Variants in MEIKIN observed in about 807,000 individuals in gnomAD.
The protein encoded by MEIKIN is meiotic kinetochore factor, also known as meiosis-specific kinetochore protein.
intron 10 of MEIKIN, among the ~76,000 whole-genome samples, chr5:131,854,158 T>A (rs1249490229): frequency 6.6e-6 from 1 of 152,148 alleles, no homozygotes; most frequent in Non-Finnish European, 1.5e-5. Flanking sequence ...TATCAATTCA[T>A]CCTTAAAAAT....
In MEIKIN at chr5:131,878,988, G is replaced by GT. The variant is rs1194023774; in HGVS notation, c.763dup (p.Thr255AsnfsTer13). On this transcript the variant is annotated frameshift_variant, in exon 9 of 13. Transcript: ENST00000442687. LOFTEE classifies it high-confidence loss of function. ...TGCTTCAATACTTGCTTTTTTCTTT[G>GT]TTTTTTCAGGGGTTGAAGGGCAAGT... The GT allele has an allele frequency of 1.0e-5, 4 of 396,768 alleles. No homozygotes were observed. The highest frequency in any genetic ancestry group is 3.6e-5 in the East Asian group (1 of 27,920). The allele number at this position is 396,768 out of a possible 1,614,324, so 24.6% of individuals were successfully genotyped here.
chr5:131,834,582 T>C (rs1003249138), intron 11 of MEIKIN, among the ~76,000 whole-genome samples: 1 of 152,236 alleles, frequency 6.6e-6, no homozygotes, highest in East Asian at 1.9e-4. Context: ...CATACAGTAT[T>C]TGTCATTGTA....
intron 12 of MEIKIN, among the ~76,000 whole-genome samples, chr5:131,816,485 A>G (rs1217162516): frequency 1.3e-5 from 2 of 152,234 alleles, no homozygotes; most frequent in African/African-American, 4.8e-5. Flanking sequence ...AGACTGCATC[A>G]TTGGCTCCTG....
At chr5:131,871,277 T>A (rs1750491111) in intron 9 of MEIKIN, among the ~76,000 whole-genome samples, 1 of 152,194 alleles carries the variant, frequency 6.6e-6, no homozygotes, top group Admixed American at 6.5e-5. Flanking sequence ...AGACGGCACC[T>A]GGAAAATTGG....
At chr5:131,883,320 A>G (rs991773645) in intron 8 of MEIKIN, among the ~76,000 whole-genome samples, 5 of 152,212 alleles carry the variant, frequency 3.3e-5, no homozygotes, top group African/African-American at 1.2e-4. Flanking sequence ...ACACCTATAT[A>G]TATCAGGCAG....
At chr5:131,857,563 G>A (rs897829851) in intron 9 of MEIKIN, among the ~76,000 whole-genome samples, 4 of 152,136 alleles carry the variant, frequency 2.6e-5, no homozygotes, top group African/African-American at 4.8e-5. Context: ...GCACAGCCTC[G>A]CATGCCTAAC....
chr5:131,905,033 T>C (rs1751220774), intron 8 of MEIKIN, among the ~76,000 whole-genome samples: 1 of 152,026 alleles, frequency 6.6e-6, no homozygotes, highest in East Asian at 1.9e-4. Flanking sequence ...ATACCTAATG[T>C]AGGTGAAGGG....
intron 8 of MEIKIN, among the ~76,000 whole-genome samples, chr5:131,893,419 C>T (rs551137573): frequency 3.3e-5 from 5 of 152,346 alleles, no homozygotes; most frequent in South Asian, 4.1e-4. Context: ...CCTGGTGTGC[C>T]ATTTGTGAAG....
At chr5:131,876,791 A>G (rs1172344520) in intron 9 of MEIKIN, among the ~76,000 whole-genome samples, 2 of 151,972 alleles carry the variant, frequency 1.3e-5, no homozygotes, top group Non-Finnish European at 2.9e-5. Flanking sequence ...TGTGGCGCAT[A>G]TATACCATGG....
intron 5 of MEIKIN, among the ~76,000 whole-genome samples, chr5:131,930,890 T>C (rs546182258): frequency 6.6e-6 from 1 of 152,354 alleles, no homozygotes; most frequent in South Asian, 2.1e-4. Flanking sequence ...TCATGTATTG[T>C]TCTCAACTTG....
At chr5:131,863,691 T>A (rs1341352559) in intron 9 of MEIKIN, among the ~76,000 whole-genome samples, 2 of 151,890 alleles carry the variant, frequency 1.3e-5, no homozygotes, top group African/African-American at 4.8e-5. Flanking sequence ...TTTGGCTCTG[T>A]GTCCCCACCC....
rs1751948316 is a variant in MEIKIN, at chr5:131,945,438, G to A, written c.68C>T (p.Pro23Leu). ...EGQRLNLTPT[P>L]DLGSPAKAEA... Reference sequence around the variant, plus strand: ...GGCCTTCGCTGGAGAGCCTAGGTCTGGCGTCGGGGTGAGATTGAGCCTCTG... The same window carrying A: ...GGCCTTCGCTGGAGAGCCTAGGTCTAGCGTCGGGGTGAGATTGAGCCTCTG... The change falls in exon 1 of 13, where the codon CCA becomes CTA. Residue 23 changes from proline (P) to leucine (L), a missense_variant. Transcript: ENST00000442687. 1 of 399,374 alleles carries A rather than the reference G, an allele frequency of 2.5e-6. No individual in the cohort carries two copies. Among genetic ancestry groups the A allele is most frequent in the South Asian group, 1.3e-4 (1 of 7,864 alleles). The allele number at this position is 399,374 out of a possible 1,614,324, so 24.7% of individuals were successfully genotyped here. A position where few individuals can be genotyped will look rare whatever the true frequency, so the allele number is the denominator to read the frequency against.
At chr5:131,820,352 G>C (rs1749474166) in intron 11 of MEIKIN, among the ~76,000 whole-genome samples, 1 of 152,154 alleles carries the variant, frequency 6.6e-6, no homozygotes, top group Admixed American at 6.5e-5. Context: ...CTCCCAAAGT[G>C]CTGGGATTAC....
intron 5 of MEIKIN, among the ~76,000 whole-genome samples, chr5:131,924,212 T>G (rs530418192): frequency 8.5e-5 from 13 of 152,316 alleles, no homozygotes; most frequent in Non-Finnish European, 1.9e-4. Context: ...CACATTTTCT[T>G]TATCCATTCA....
chr5:131,889,581 A>G (rs1048557189), intron 8 of MEIKIN, among the ~76,000 whole-genome samples: 1 of 152,196 alleles, frequency 6.6e-6, no homozygotes, highest in Admixed American at 6.5e-5. Context: ...GACTTTGCTG[A>G]AGTTGCCTAT....
chr5:131,838,392 C>A (rs1749848372), intron 11 of MEIKIN, among the ~76,000 whole-genome samples: 1 of 152,036 alleles, frequency 6.6e-6, no homozygotes, highest in African/African-American at 2.4e-5. Context: ...GGGAGTCCCT[C>A]ATTTTCAATT....
chr5:131,920,889 T>G (rs1046557374), intron 6 of MEIKIN, among the ~76,000 whole-genome samples: 1 of 151,886 alleles, frequency 6.6e-6, no homozygotes, highest in Non-Finnish European at 1.5e-5. Context: ...TTTGTAGAGA[T>G]AGAGGTCTCA....
At chr5:131,829,575 G>T (rs1749678590) in intron 11 of MEIKIN, among the ~76,000 whole-genome samples, 1 of 152,120 alleles carries the variant, frequency 6.6e-6, no homozygotes, top group South Asian at 2.1e-4. Context: ...TAGGCAATCG[G>T]CAAAGAGTTT....
intron 8 of MEIKIN, among the ~76,000 whole-genome samples, chr5:131,909,628 AC>A (rs1169201622): frequency 6.6e-6 from 1 of 152,182 alleles, no homozygotes; most frequent in Non-Finnish European, 1.5e-5. Flanking sequence ...TGAAGTGACA[AC>A]CCATAGAATG....
Sources: gnomAD v4.1 joint callset for allele counts (sites outside exome capture counted in the v4.1 genomes callset) on GRCh38, gnomAD v4.1.1 for gene constraint, MANE v1.5 for transcripts, NCBI Gene and HGNC (gene_info 2026-07-23, HGNC 2026-07-21) for gene names.